The following FBN1 variants were observed in gnomAD, a reference collection of about 807,000 sequenced individuals.
FBN1 encodes the protein fibrillin 1, also known as fibrillin-1.
Under a neutral mutation model 365.1 loss-of-function variants are expected in FBN1, and 29 were observed. That is an observed-to-expected ratio of 0.08 (90% CI 0.06 to 0.11). The LOEUF (loss-of-function observed/expected upper bound fraction) is 0.11. Among genes scored for constraint, FBN1 ranks in the 10% least tolerant of loss-of-function variants. The pLI, the probability that FBN1 is intolerant of heterozygous loss-of-function variation, is 1.00. For missense variants in FBN1, 2,476 were observed against 3,703.2 expected (o/e 0.67, Z 8.60); for synonymous variants, 1,210 against 1,270.5 (o/e 0.95, Z 1.01).
chr15:48,417,595 T>C (rs2042912763), intron 63 of FBN1, among the ~76,000 whole-genome samples: 2 of 152,090 alleles, frequency 1.3e-5, no homozygotes, highest in Non-Finnish European at 2.9e-5. Flanking sequence ...CTTCAAGTCT[T>C]CACCCAAGGT....
At chr15:48,451,405 T>C (rs1164974156) in intron 45 of FBN1, among the ~76,000 whole-genome samples, 1 of 152,224 alleles carries the variant, frequency 6.6e-6, no homozygotes, top group Non-Finnish European at 1.5e-5. Flanking sequence ...AACAGCTCTG[T>C]TGACAAAATG....
chr15:48,640,180 A>C (rs1890173734), intron 2 of FBN1, among the ~76,000 whole-genome samples: 1 of 152,188 alleles, frequency 6.6e-6, no homozygotes, highest in Non-Finnish European at 1.5e-5. Context: ...AATTTGTATT[A>C]CCAACTTACA....
rs363832 is a variant in FBN1, at chr15:48,428,329, G to C, written c.6997+17C>G. Reference sequence around the variant, plus strand: ...TGGAGGCTGAGGTTAGGAAAGTGCGGTGCCAACTGTACTCACCAAGGCACT... The same window carrying C: ...TGGAGGCTGAGGTTAGGAAAGTGCGCTGCCAACTGTACTCACCAAGGCACT... On this transcript the variant is annotated intron_variant, in intron 57 of 65. Transcript: ENST00000316623. 1,217,171 of 1,613,274 alleles carry C rather than the reference G, an allele frequency of 0.75. 463,379 individuals carry two copies. The highest frequency in any genetic ancestry group is 0.81 in the South Asian group (73,887 of 91,048).
intron 8 of FBN1, among the ~76,000 whole-genome samples, chr15:48,532,310 G>T (rs1341867088): frequency 6.6e-6 from 1 of 152,190 alleles, no homozygotes. Flanking sequence ...ATATTCTGAA[G>T]CTGAATATAT....
intron 6 of FBN1, among the ~76,000 whole-genome samples, chr15:48,573,373 T>C (rs1467289015): frequency 1.3e-5 from 2 of 152,220 alleles, no homozygotes; most frequent in African/African-American, 4.8e-5. Flanking sequence ...GCTATCACAT[T>C]GTTGTACTAA....
chr15:48,510,573 A>G (rs982806519), intron 13 of FBN1, among the ~76,000 whole-genome samples: 11 of 152,178 alleles, frequency 7.2e-5, no homozygotes, highest in Admixed American at 2.0e-4. Flanking sequence ...AATACAACAT[A>G]TGCTATTTTT....
chr15:48,449,165 T>A (rs949095633), intron 45 of FBN1, among the ~76,000 whole-genome samples: 5 of 152,116 alleles, frequency 3.3e-5, no homozygotes, highest in Admixed American at 2.0e-4. Context: ...AATGGGGGGA[T>A]TCAAGCCGGG....
At chr15:48,608,509 C>T (rs1475934694) in intron 4 of FBN1, among the ~76,000 whole-genome samples, 1 of 152,190 alleles carries the variant, frequency 6.6e-6, no homozygotes, top group Non-Finnish European at 1.5e-5. Context: ...CCCCAGCTAT[C>T]CTTAATTTAA....
At chr15:48,462,986 T>A (rs1489164236) in intron 42 of FBN1, 96 bp downstream of exon 42, 39 of 1,207,738 alleles carry the variant, frequency 3.2e-5, no homozygotes, top group East Asian at 9.6e-5. Context: ...AGATAAACAA[T>A]GCACACTTTG....
rs1047355318 is a variant in FBN1 at position 48,488,031 on chromosome 15, G to A, written c.3337+82C>T. On this transcript the variant is annotated intron_variant, in intron 27 of 65. Coordinates refer to ENST00000316623, the MANE Select transcript of FBN1 (RefSeq NM_000138.5). Reference sequence around the variant, plus strand: ...ACTGGTTGCACTGGGGCAGCAGGAAGAACCTGGAACATAGGCTATGAGCCA... The same window carrying A: ...ACTGGTTGCACTGGGGCAGCAGGAAAAACCTGGAACATAGGCTATGAGCCA... 11 of 1,581,780 alleles carry A rather than the reference G, an allele frequency of 7.0e-6. No homozygotes were observed. The African/African-American group carries it at 1.3e-4, about 19-fold the overall frequency.
chr15:48,642,423 G>C (rs1890213342), intron 2 of FBN1: 1 of 152,120 alleles, frequency 6.6e-6, no homozygotes, highest in African/African-American at 2.4e-5. Flanking sequence ...TGAGTTAATA[G>C]ATGGATGCAT....
At chr15:48,575,802 TACACACACACAC>T (rs58125518) in intron 6 of FBN1, among the ~76,000 whole-genome samples, 17,004 of 140,176 alleles carry the variant, frequency 0.12, 1,089 homozygotes, top group Non-Finnish European at 0.15. Context: ...AAATGTGAGA[TACACACACACAC>T]ACACACACAC....
Position 48,411,040 on chromosome 15 carries a change from CACT to C in FBN1, c.8563_8565del (p.Ser2855del). The C allele has an allele frequency of 6.2e-7, 1 of 1,613,874 alleles. No homozygotes were observed. The highest frequency in any genetic ancestry group is 8.5e-7 in the Non-Finnish European group (1 of 1,179,920). On this transcript the variant is annotated inframe_deletion, in exon 66 of 66. Coordinates refer to ENST00000316623, the MANE Select transcript of FBN1 (RefSeq NM_000138.5). ...ATCTTCAGATTATCACCCAGTTCAC[CACT>C]GAGGTAGTCTTTGTCATATTTGTCT...
chr15:48,499,083 A>G (rs2043634117), intron 17 of FBN1, 45 bp from the exon 18 acceptor site: 1 of 1,592,296 alleles, frequency 6.3e-7, no homozygotes, highest in Non-Finnish European at 8.6e-7. Context: ...TGTTTGCAGA[A>G]CAGGTAGATC....
At chr15:48,509,904 A>T in intron 14 of FBN1, 140 bp downstream of exon 14, 2 of 897,334 alleles carry the variant, frequency 2.2e-6, no homozygotes, top group Non-Finnish European at 3.5e-6. Flanking sequence ...TATCATGGAA[A>T]ATTAGGCTTC....
intron 6 of FBN1, among the ~76,000 whole-genome samples, chr15:48,563,508 T>C (rs1391460865): frequency 2.0e-5 from 3 of 152,136 alleles, no homozygotes; most frequent in African/African-American, 7.2e-5. Flanking sequence ...GGTGAACCAC[T>C]GCAAAGCTAC....
intron 2 of FBN1, among the ~76,000 whole-genome samples, chr15:48,638,340 G>A (rs1328463781): frequency 2.6e-5 from 4 of 152,210 alleles, no homozygotes; most frequent in Admixed American, 6.5e-5. Context: ...CTTGGGAAAC[G>A]AAGGTATAAA....
chr15:48,451,020 G>A (rs962901132), intron 45 of FBN1, among the ~76,000 whole-genome samples: 1 of 152,206 alleles, frequency 6.6e-6, no homozygotes, highest in African/African-American at 2.4e-5. Context: ...AATGAATAAA[G>A]GAAATCAAGC....
intron 7 of FBN1, among the ~76,000 whole-genome samples, chr15:48,536,497 C>T (rs947088911): frequency 1.3e-5 from 2 of 152,180 alleles, no homozygotes; most frequent in African/African-American, 2.4e-5. Flanking sequence ...TTCTTCAAAA[C>T]TCACTGGGAT....
Sources: gnomAD v4.1 joint callset for allele counts (sites outside exome capture counted in the v4.1 genomes callset) on GRCh38, gnomAD v4.1.1 for gene constraint, MANE v1.5 for transcripts, NCBI Gene and HGNC (gene_info 2026-07-23, HGNC 2026-07-21) for gene names.